KIF13A: variants seen among roughly 807,000 people sequenced by gnomAD.
The protein encoded by KIF13A is kinesin-like protein KIF13A.
Under a neutral mutation model 212.2 loss-of-function variants are expected in KIF13A, and 79 were observed. The ratio of observed to expected loss-of-function variants is 0.37; its 90% CI spans 0.31 to 0.45. The LOEUF (loss-of-function observed/expected upper bound fraction) is 0.45, where lower values mean the gene tolerates loss of function less well. Ranked by LOEUF, KIF13A falls within the 20% of genes least tolerant of loss-of-function variation. The pLI, the probability that KIF13A is intolerant of heterozygous loss-of-function variation, is 1.00. For missense variants in KIF13A, 1,901 were observed against 2,209.0 expected (o/e 0.86, Z 2.79); for synonymous variants, 789 against 808.6 (o/e 0.98, Z 0.41).
At position 17,786,770 on chromosome 6, in the gene KIF13A, T is replaced by TAGACTGTACCCTG. The variant is rs1761094009; in HGVS notation, c.3361+1005_3361+1006insCAGGGTACAGTCT. On this transcript the variant is annotated intron_variant, in intron 27 of 38. Transcript: ENST00000259711. The surrounding 1 kb of genome is among the most constrained non-coding windows in gnomAD (Gnocchi z 5.4). ...GGGTACAGTCTAAGTGAGTTTTCAT[T>TAGACTGTACCCTG]AGCAGCCTGAGCACACACACAAGGC... Among the ~76,000 whole-genome samples the TAGACTGTACCCTG allele has an allele frequency of 6.6e-6, 1 of 152,134 alleles. No individual in the cohort carries two copies. Among genetic ancestry groups the TAGACTGTACCCTG allele is most frequent in the Admixed American group, 6.5e-5 (1 of 15,270 alleles).
In KIF13A at chr6:17,849,253, C is replaced by T. The variant is rs898897404; in HGVS notation, c.830+124G>A. The T allele has an allele frequency of 7.7e-6, 5 of 646,790 alleles. No homozygotes were observed. Among genetic ancestry groups the T allele is most frequent in the Non-Finnish European group, 1.3e-5 (5 of 379,264 alleles). The allele number at this position is 646,790 out of a possible 1,614,324, so 40.1% of individuals were successfully genotyped here. A position where few individuals can be genotyped will look rare whatever the true frequency, so the allele number is the denominator to read the frequency against. On this transcript the variant is annotated intron_variant, in intron 9 of 38. Coordinates refer to ENST00000259711, the MANE Select transcript of KIF13A (RefSeq NM_022113.6). This position sits in a 1 kb window ranked among gnomAD's most constrained non-coding sequence, Gnocchi z 5.7. ...ACAGGTTGTTGTTGTTTTTCTTCAG[C>T]CCAGTTTACTAAAGCTATACAGACT...
intron 2 of KIF13A, among the ~76,000 whole-genome samples, chr6:17,946,522 A>G (rs1053801212): frequency 6.6e-6 from 1 of 152,228 alleles, no homozygotes; most frequent in South Asian, 2.1e-4. Flanking sequence ...TGGCCGATAA[A>G]ATATATGAAA....
At position 17,771,176 on chromosome 6, in the gene KIF13A, G is replaced by A. The variant is rs537340041; in HGVS notation, c.4519C>T (p.Pro1507Ser). The A allele has an allele frequency of 6.2e-7, 1 of 1,613,262 alleles. No homozygotes were observed. Among genetic ancestry groups the A allele is most frequent in the African/African-American group, 1.3e-5 (1 of 75,016 alleles). Residue 1507 changes from proline to serine, a missense_variant, in exon 38 of 39, where the codon CCC (proline) becomes TCC (serine). By Grantham distance (74) the Pro-to-Ser change is moderately conservative (BLOSUM62 -1). Coordinates refer to ENST00000259711, the MANE Select transcript of KIF13A (RefSeq NM_022113.6). The surrounding 1 kb of genome is among the most constrained non-coding windows in gnomAD (Gnocchi z 5.4). ...ATGCTGCTGCCATTGCTTCCTGAGG[G>A]TACAATGCAGCCAGGGTTATGTGCC... The part of the protein sequence containing the change: ...PQAHNPGCIV[P>S]SGSNGSSMPV...
At chr6:17,986,824 C>G (rs1781603796) in intron 2 of KIF13A, among the ~76,000 whole-genome samples, 1 of 152,196 alleles carries the variant, frequency 6.6e-6, no homozygotes, top group Non-Finnish European at 1.5e-5. Context: ...CCGGGCTCAG[C>G]TGACTGGTGC....
intron 2 of KIF13A, among the ~76,000 whole-genome samples, chr6:17,952,026 G>A (rs759793043): frequency 1.1e-4 from 16 of 152,030 alleles, no homozygotes; most frequent in South Asian, 2.1e-4. Flanking sequence ...ATAGTTTGCC[G>A]GGCGTGGTGG....
Position 17,895,678 on chromosome 6 carries a change from C to A in KIF13A, c.159+2490G>T, listed in dbSNP as rs942791978. Among the ~76,000 whole-genome samples, 4 of 152,198 alleles carry A rather than the reference C, an allele frequency of 2.6e-5. No individual in the cohort carries two copies. The highest frequency in any genetic ancestry group is 2.1e-4 in the South Asian group (1 of 4,832). On this transcript the variant is annotated intron_variant, in intron 3 of 38. Transcript: ENST00000259711. The surrounding 1 kb of genome is among the most constrained non-coding windows in gnomAD (Gnocchi z 4.4). ...GCCCCACAAAGCAGTCAGCAATATG[C>A]ATTTGCTCTGTCTTTAAGCCGCTCC...
rs139913522 is a variant in KIF13A at position 17,938,878 on chromosome 6, C to T, written c.147-40698G>A. Among the ~76,000 whole-genome samples, 9 of 149,260 alleles carry T rather than the reference C, an allele frequency of 6.0e-5. No homozygotes were observed. In the East Asian group the frequency reaches 1.8e-3, roughly 30 times the overall value. On this transcript the variant is annotated intron_variant, in intron 2 of 38. Coordinates refer to ENST00000259711, the MANE Select transcript of KIF13A (RefSeq NM_022113.6). ...AAGTTGTGTTGTTATATAAGGAATG[C>T]ACTAATTTTTATGTATTCATTCTAC...
Position 17,830,973 on chromosome 6 carries a change from T to C in KIF13A, c.1401+128A>G. The stretch of plus-strand genomic sequence containing the variant: ...TCTCAGTGGTGATCGGAGGGCACTA[T>C]CCATCTTAGTTTTACTGAGGGCTAA... On this transcript the variant is annotated intron_variant, in intron 13 of 38. Coordinates refer to ENST00000259711, the MANE Select transcript of KIF13A (RefSeq NM_022113.6). 6.5e-6 allele frequency: 5 copies of C among 764,410 alleles called. 1 individual carries two copies. The South Asian group carries it at 9.4e-5, about 14-fold the overall frequency. The allele number at this position is 764,410 out of a possible 1,614,324, so 47.4% of individuals were successfully genotyped here. A position where few individuals can be genotyped will look rare whatever the true frequency, so the allele number is the denominator to read the frequency against.
At chr6:17,857,893 G>T (rs886687586) in intron 4 of KIF13A, among the ~76,000 whole-genome samples, 2 of 152,090 alleles carry the variant, frequency 1.3e-5, no homozygotes, top group African/African-American at 2.4e-5. Flanking sequence ...TTAAATGCCC[G>T]TAAGTATGAA....
chr6:17,948,155 G>T (rs1356768878), intron 2 of KIF13A, among the ~76,000 whole-genome samples: 1 of 151,990 alleles, frequency 6.6e-6, no homozygotes, highest in African/African-American at 2.4e-5. Flanking sequence ...TCACATAACC[G>T]AGTTACTTGC....
chr6:17,801,269 A>G (rs1212534955), intron 20 of KIF13A, among the ~76,000 whole-genome samples: 1 of 151,826 alleles, frequency 6.6e-6, no homozygotes, highest in Non-Finnish European at 1.5e-5. Context: ...AGGCGGGTGG[A>G]TCACCTGAGG....
chr6:17,800,683 C>T (rs140857699), intron 20 of KIF13A, among the ~76,000 whole-genome samples: 2 of 151,872 alleles, frequency 1.3e-5, no homozygotes, highest in Non-Finnish European at 2.9e-5. Flanking sequence ...TCACTGCAAC[C>T]TCCACCTCCT....
chr6:17,837,417 C>T lies in KIF13A; in HGVS notation c.942+55G>A. On this transcript the variant is annotated intron_variant, in intron 10 of 38. Coordinates refer to ENST00000259711, the MANE Select transcript of KIF13A (RefSeq NM_022113.6). This position sits in a 1 kb window ranked among gnomAD's most constrained non-coding sequence, Gnocchi z 5.4. ...AGCTTTGTACACACCTTTACTCTGT[C>T]ACATCTGGAATAGCCAATTTTTAGT... 8.2e-7 allele frequency: 1 copy of T among 1,218,022 alleles called. No individual in the cohort carries two copies. The highest frequency in any genetic ancestry group is 1.2e-6 in the Non-Finnish European group (1 of 841,914). The allele number at this position is 1,218,022 out of a possible 1,614,324, so 75.5% of individuals were successfully genotyped here. A position where few individuals can be genotyped will look rare whatever the true frequency, so the allele number is the denominator to read the frequency against.
Position 17,984,042 on chromosome 6 carries a change from A to G in KIF13A, c.146+3012T>C, listed in dbSNP as rs1781334149. On this transcript the variant is annotated intron_variant, in intron 2 of 38. Coordinates refer to ENST00000259711, the MANE Select transcript of KIF13A (RefSeq NM_022113.6). The surrounding 1 kb of genome is among the most constrained non-coding windows in gnomAD (Gnocchi z 5.0). Reference sequence around the variant, plus strand: ...CCATCACATTTGCTAAGCCCTTGCTAAGTGCCAGTATGCAGGAGCATGAGG... The same window carrying G: ...CCATCACATTTGCTAAGCCCTTGCTGAGTGCCAGTATGCAGGAGCATGAGG... Among the ~76,000 whole-genome samples the G allele has an allele frequency of 1.3e-5, 2 of 149,884 alleles. No homozygotes were observed. Among genetic ancestry groups the G allele is most frequent in the Non-Finnish European group, 3.0e-5 (2 of 67,610 alleles).
chr6:17,987,298 G>A lies in KIF13A; in HGVS notation c.55+111C>T. 3.3e-6 allele frequency: 3 copies of A among 898,606 alleles called. No individual in the cohort carries two copies. Among genetic ancestry groups the A allele is most frequent in the South Asian group, 3.4e-5 (1 of 29,112 alleles). The allele number at this position is 898,606 out of a possible 1,614,324, so 55.7% of individuals were successfully genotyped here. A position where few individuals can be genotyped will look rare whatever the true frequency, so the allele number is the denominator to read the frequency against. ...CACGGCCAGCGCGGACGCCGCCTCCGCCCCGGCCCCCCGGCCCCGGCCGCG... is the reference window on the plus strand; with the variant it reads ...CACGGCCAGCGCGGACGCCGCCTCCACCCCGGCCCCCCGGCCCCGGCCGCG... On this transcript the variant is annotated intron_variant, in intron 1 of 38. Transcript: ENST00000259711. The surrounding 1 kb of genome is among the most constrained non-coding windows in gnomAD (Gnocchi z 7.7).
At position 17,919,617 on chromosome 6, in the gene KIF13A, C is replaced by T. The variant is rs1345269300; in HGVS notation, c.147-21437G>A. Among the ~76,000 whole-genome samples, 1 of 152,204 alleles carries T rather than the reference C, an allele frequency of 6.6e-6. No homozygotes were observed. Among genetic ancestry groups the T allele is most frequent in the East Asian group, 1.9e-4 (1 of 5,202 alleles). ...TCTCCACTCCTAATGCACTCAGTGG[C>T]TGCTTTACCTACCCTGATTTGACCT... On this transcript the variant is annotated intron_variant, in intron 2 of 38. Coordinates refer to ENST00000259711, the MANE Select transcript of KIF13A (RefSeq NM_022113.6). The surrounding 1 kb of genome is among the most constrained non-coding windows in gnomAD (Gnocchi z 4.1).
At chr6:17,824,619 G>A (rs1764778275) in intron 16 of KIF13A, among the ~76,000 whole-genome samples, 1 of 151,994 alleles carries the variant, frequency 6.6e-6, no homozygotes, top group African/African-American at 2.4e-5. Flanking sequence ...AAATTAGCCA[G>A]GTGTGGTCAC....
rs576068276 is a variant in KIF13A, at chr6:17,813,651, C to G, written c.2000+3369G>C. Among the ~76,000 whole-genome samples, 184 of 152,198 alleles carry G rather than the reference C, an allele frequency of 1.2e-3. 1 individual carries two copies. Among genetic ancestry groups the G allele is most frequent in the Middle Eastern group, 3.4e-3 (1 of 294 alleles). ...AGCCTTGCGCTGCAGGGCAGGGTTC[C>G]CTTTTCTCCTCTTGGGAGTCACCTT... On this transcript the variant is annotated intron_variant, in intron 17 of 38. Coordinates refer to ENST00000259711, the MANE Select transcript of KIF13A (RefSeq NM_022113.6).
chr6:17,877,025 T>C (rs1770624587), intron 3 of KIF13A, among the ~76,000 whole-genome samples: 1 of 151,768 alleles, frequency 6.6e-6, no homozygotes, highest in African/African-American at 2.4e-5. Flanking sequence ...ATGTTTATAG[T>C]AGTCACTTTA....
Sources: allele counts gnomAD v4.1 joint callset (sites outside exome capture counted in the v4.1 genomes callset), GRCh38; gene constraint gnomAD v4.1.1; non-coding constraint Gnocchi (gnomAD v3.1); transcripts MANE v1.5; gene names NCBI Gene and HGNC (gene_info 2026-07-23, HGNC 2026-07-21).